The following CDH18 variants were observed in gnomAD, a reference collection of about 807,000 sequenced individuals.
CDH18 encodes cadherin 18, also known as cadherin-18.
CDH18 carries 31 observed loss-of-function variants against 67.9 expected under a neutral mutation model. The observed-to-expected ratio is 0.46, with a 90% CI of 0.34 to 0.62. The LOEUF (loss-of-function observed/expected upper bound fraction) is 0.62. Among genes scored for constraint, CDH18 ranks in the 20% least tolerant of loss-of-function variants. CDH18 has a pLI of 0.01. For missense variants in CDH18, 890 were observed against 975.5 expected (o/e 0.91, Z 1.17); for synonymous variants, 362 against 347.2 (o/e 1.04, Z -0.48).
intron 3 of CDH18, among the ~76,000 whole-genome samples, chr5:19,813,843 T>G (rs551215760): frequency 6.6e-6 from 1 of 152,186 alleles, no homozygotes; most frequent in East Asian, 1.9e-4. Context: ...AAAACAGAAT[T>G]TTCATATTAT....
intron 4 of CDH18, among the ~76,000 whole-genome samples, chr5:19,737,203 C>A (rs1021486186): frequency 5.3e-5 from 8 of 152,098 alleles, no homozygotes; most frequent in African/African-American, 1.9e-4. Flanking sequence ...ATTGTGCATT[C>A]ACTCTCTATC....
At chr5:20,022,727 T>C (rs1255328841) in intron 2 of CDH18, among the ~76,000 whole-genome samples, 1 of 152,184 alleles carries the variant, frequency 6.6e-6, no homozygotes, top group Non-Finnish European at 1.5e-5. Flanking sequence ...TTTTGTACCA[T>C]AGGTAATTTA....
chr5:19,791,408 T>C (rs1776345515), intron 3 of CDH18, among the ~76,000 whole-genome samples: 1 of 147,546 alleles, frequency 6.8e-6, no homozygotes, highest in African/African-American at 2.5e-5. Context: ...CAGCACATAT[T>C]TAGTAGGGGC....
At chr5:20,368,072 T>C (rs1022700431) in intron 1 of CDH18, among the ~76,000 whole-genome samples, 4 of 152,158 alleles carry the variant, frequency 2.6e-5, no homozygotes, top group South Asian at 2.1e-4. Context: ...TTCACAGAGT[T>C]TGGGACTCCT....
At chr5:20,230,785 C>T (rs1471957452) in intron 2 of CDH18, among the ~76,000 whole-genome samples, 1 of 152,036 alleles carries the variant, frequency 6.6e-6, no homozygotes, top group Non-Finnish European at 1.5e-5. Flanking sequence ...CTATTACATA[C>T]TAATAAACTG....
chr5:20,289,817 A>T (rs898331660), intron 1 of CDH18, among the ~76,000 whole-genome samples: 3 of 152,076 alleles, frequency 2.0e-5, no homozygotes, highest in Non-Finnish European at 4.4e-5. Context: ...ATCTGTCAAT[A>T]GGGTCACCAG....
At chr5:20,161,868 TTAATCAA>T (rs1330977206) in intron 2 of CDH18, among the ~76,000 whole-genome samples, 1 of 152,210 alleles carries the variant, frequency 6.6e-6, no homozygotes, top group Non-Finnish European at 1.5e-5. Context: ...GGAATTTTTC[TTAATCAA>T]TAAGATTAAC....
chr5:20,044,905 T>C (rs575787817), intron 2 of CDH18, among the ~76,000 whole-genome samples: 8 of 152,160 alleles, frequency 5.3e-5, no homozygotes, highest in Non-Finnish European at 1.0e-4. Context: ...CCATGATCTT[T>C]ATTTTTTTAC....
In CDH18 at chr5:20,237,473, T is replaced by C. The variant is rs537916603; in HGVS notation, c.-518+17971A>G. Among the ~76,000 whole-genome samples the C allele has an allele frequency of 2.0e-5, 3 of 151,974 alleles. No individual in the cohort carries two copies. The East Asian group carries it at 5.8e-4, about 29-fold the overall frequency. On this transcript the variant is annotated intron_variant, in intron 2 of 14. Coordinates refer to the CDH18 transcript ENST00000507958. ...GTAGTATACTTAATAACAAGTAAATTTGCAAGATATAAAATCAAACACAAA... is the reference window on the plus strand; with the variant it reads ...GTAGTATACTTAATAACAAGTAAATCTGCAAGATATAAAATCAAACACAAA...
intron 2 of CDH18, among the ~76,000 whole-genome samples, chr5:19,868,317 T>C (rs1324560746): frequency 6.6e-6 from 1 of 152,138 alleles, no homozygotes; most frequent in East Asian, 1.9e-4. Context: ...TTATTTCAGA[T>C]GGAGTGGGTA....
chr5:19,711,650 T>TAAAAAAAAAAAA (rs3062941), intron 5 of CDH18, among the ~76,000 whole-genome samples: 8 of 115,584 alleles, frequency 6.9e-5, no homozygotes, highest in African/African-American at 1.8e-4. Context: ...TAGTATAAAG[T>TAAAAAAAAAAAA]AAAAAAAAAA....
At chr5:20,298,801 T>C (rs562975252) in intron 1 of CDH18, among the ~76,000 whole-genome samples, 1 of 152,036 alleles carries the variant, frequency 6.6e-6, no homozygotes, top group East Asian at 1.9e-4. Context: ...GATACATACA[T>C]GAAGGGAATT....
chr5:19,490,412 T>G (rs1338337409), intron 11 of CDH18, among the ~76,000 whole-genome samples: 5 of 126,858 alleles, frequency 3.9e-5, no homozygotes, highest in Admixed American at 1.6e-4. Context: ...TTTTTTTTTT[T>G]TTTTTTTTTT....
intron 2 of CDH18, among the ~76,000 whole-genome samples, chr5:20,167,784 C>T (rs984935190): frequency 7.9e-5 from 12 of 152,182 alleles, no homozygotes; most frequent in East Asian, 1.9e-4. Flanking sequence ...TTAAGTAATA[C>T]GGCCCAAAGG....
intron 3 of CDH18, among the ~76,000 whole-genome samples, chr5:19,787,898 T>A (rs1254198263): frequency 6.6e-6 from 1 of 151,274 alleles, no homozygotes; most frequent in Non-Finnish European, 1.5e-5. Context: ...AATAATTAAC[T>A]CCTTCAGAAG....
At chr5:19,870,375 T>C (rs1426147195) in intron 2 of CDH18, among the ~76,000 whole-genome samples, 5 of 152,154 alleles carry the variant, frequency 3.3e-5, no homozygotes, top group Admixed American at 6.6e-5. Flanking sequence ...GGAGAAAAGA[T>C]AGTTTTCTCT....
chr5:19,773,299 G>C (rs1020470027), intron 3 of CDH18, among the ~76,000 whole-genome samples: 5 of 152,106 alleles, frequency 3.3e-5, no homozygotes, highest in Non-Finnish European at 5.9e-5. Flanking sequence ...TGAATGGCAT[G>C]CTTTGTAGTT....
chr5:20,063,854 A>G (rs993191431), intron 2 of CDH18, among the ~76,000 whole-genome samples: 3 of 152,170 alleles, frequency 2.0e-5, no homozygotes, highest in African/African-American at 7.2e-5. Flanking sequence ...AGCACTGAAT[A>G]AATGTTGTCT....
intron 2 of CDH18, among the ~76,000 whole-genome samples, chr5:20,107,121 C>G (rs1376341376): frequency 6.7e-6 from 1 of 149,926 alleles, no homozygotes; most frequent in African/African-American, 2.5e-5. Context: ...CGCTCTGTCG[C>G]CCAGGCTGGA....
Sources: allele counts gnomAD v4.1 joint callset (sites outside exome capture counted in the v4.1 genomes callset), GRCh38; gene constraint gnomAD v4.1.1; transcripts MANE v1.5; gene names NCBI Gene and HGNC (gene_info 2026-07-23, HGNC 2026-07-21).